Variants in GRM7 observed in about 807,000 individuals in gnomAD.
GRM7 encodes metabotropic glutamate receptor 7.
A neutral mutation model predicts 84.5 loss-of-function variants in GRM7; 35 were observed. The ratio of observed to expected loss-of-function variants is 0.41; its 90% confidence interval spans 0.32 to 0.55. The LOEUF (loss-of-function observed/expected upper bound fraction) is 0.55, where lower values mean the gene tolerates loss of function less well. Ranked by LOEUF, GRM7 falls within the 20% of genes least tolerant of loss-of-function variation. GRM7 has a pLI of 0.19. For missense variants in GRM7, 1,003 were observed against 1,194.6 expected (o/e 0.84, Z 2.36); for synonymous variants, 487 against 455.1 (o/e 1.07, Z -0.89).
chr3:7,317,149 T>G (rs1454407387), intron 4 of GRM7, among the ~76,000 whole-genome samples: 17 of 152,162 alleles, frequency 1.1e-4, no homozygotes, highest in Admixed American at 1.1e-3. Context: ...TTGGTGATTT[T>G]TTACATAGAC....
At chr3:6,884,519 A>G (rs1372639236) in intron 1 of GRM7, among the ~76,000 whole-genome samples, 1 of 152,120 alleles carries the variant, frequency 6.6e-6, no homozygotes. Context: ...GACCATTTAA[A>G]TATGCCTTTA....
chr3:7,150,071 G>A (rs1026896111), intron 2 of GRM7, among the ~76,000 whole-genome samples: 2 of 137,242 alleles, frequency 1.5e-5, no homozygotes, highest in African/African-American at 5.7e-5. Context: ...ATACATATAT[G>A]TGTGTGTGTG....
intron 2 of GRM7, among the ~76,000 whole-genome samples, chr3:7,180,919 T>C (rs2125096889): frequency 6.6e-6 from 1 of 152,322 alleles, no homozygotes; most frequent in South Asian, 2.1e-4. Context: ...TATCCTTAAT[T>C]CACACACCGA....
At chr3:7,131,615 A>G (rs1190648644) in intron 1 of GRM7, among the ~76,000 whole-genome samples, 2 of 151,772 alleles carry the variant, frequency 1.3e-5, no homozygotes, top group African/African-American at 4.8e-5. Context: ...AGTAGCGGGG[A>G]CTACAGGTGC....
intron 1 of GRM7, among the ~76,000 whole-genome samples, chr3:6,869,538 T>C (rs1283710445): frequency 6.9e-6 from 1 of 144,476 alleles, no homozygotes; most frequent in East Asian, 2.0e-4. Flanking sequence ...TTCTGCTGAA[T>C]TGAAAATTTA....
intron 8 of GRM7, among the ~76,000 whole-genome samples, chr3:7,613,150 TGTCTCACTTA>T (rs1414316474): frequency 6.6e-6 from 1 of 152,184 alleles, no homozygotes; most frequent in Non-Finnish European, 1.5e-5. Flanking sequence ...AAATTCTACT[TGTCTCACTTA>T]GTCTCAATGG....
intron 7 of GRM7, among the ~76,000 whole-genome samples, chr3:7,498,166 A>G (rs896784391): frequency 2.0e-5 from 3 of 152,230 alleles, no homozygotes; most frequent in African/African-American, 7.2e-5. Context: ...ATTTCCCACA[A>G]GTAAACCTTG....
At position 6,863,369 on chromosome 3, in the gene GRM7, A is replaced by C. The variant is rs1694831602; in HGVS notation, c.519+1462A>C. On this transcript the variant is annotated intron_variant, in intron 1 of 9. Coordinates refer to ENST00000357716, the MANE Select transcript of GRM7 (RefSeq NM_000844.4). The surrounding 1 kb of genome is among the most constrained non-coding windows in gnomAD (Gnocchi z 4.8). ...CGGCCCCTCTCAAGTGCTTTCCCAA[A>C]AGGTGTTGGGCTTCAGAAGGGGACT... 6.6e-6 allele frequency among the ~76,000 whole-genome samples: 1 copy of C among 151,912 alleles called. No individual in the cohort carries two copies. The highest frequency in any genetic ancestry group is 2.1e-4 in the South Asian group (1 of 4,824).
chr3:7,309,509 T>C (rs1207789388), intron 4 of GRM7, among the ~76,000 whole-genome samples: 2 of 152,218 alleles, frequency 1.3e-5, no homozygotes, highest in Admixed American at 6.5e-5. Flanking sequence ...TTGTGTTGTA[T>C]AATGCTATAC....
intron 1 of GRM7, among the ~76,000 whole-genome samples, chr3:7,074,462 T>C (rs73112873): frequency 0.13 from 19,219 of 152,214 alleles, 1,837 homozygotes; most frequent in African/African-American, 0.27. Context: ...GTGTGGTCCA[T>C]GAATTTCTTC....
At chr3:7,177,590 C>G (rs1695197366) in intron 2 of GRM7, among the ~76,000 whole-genome samples, 1 of 146,830 alleles carries the variant, frequency 6.8e-6, no homozygotes. Flanking sequence ...GACAGAGTGA[C>G]ATGGAGGAGA....
intron 1 of GRM7, among the ~76,000 whole-genome samples, chr3:7,083,776 C>T (rs1022506932): frequency 6.6e-6 from 1 of 152,040 alleles, no homozygotes; most frequent in African/African-American, 2.4e-5. Context: ...AAATTTTAGA[C>T]GTATTCTCTG....
chr3:7,019,432 C>T (rs548501986), intron 1 of GRM7, among the ~76,000 whole-genome samples: 5 of 152,310 alleles, frequency 3.3e-5, no homozygotes, highest in African/African-American at 9.6e-5. Context: ...AAAAATCCCC[C>T]ATGCTCTGCC....
chr3:7,034,734 C>T (rs145679116), intron 1 of GRM7, among the ~76,000 whole-genome samples: 22 of 152,234 alleles, frequency 1.4e-4, no homozygotes, highest in Non-Finnish European at 2.6e-4. Context: ...TGTATAGTTG[C>T]CAGAACCCAA....
At chr3:7,605,773 G>A (rs976957305) in intron 8 of GRM7, among the ~76,000 whole-genome samples, 4 of 152,178 alleles carry the variant, frequency 2.6e-5, no homozygotes, top group African/African-American at 9.7e-5. Flanking sequence ...TGATAACACT[G>A]TATGGGGCAT....
At chr3:7,319,955 A>T (rs1700715326) in intron 4 of GRM7, among the ~76,000 whole-genome samples, 1 of 152,072 alleles carries the variant, frequency 6.6e-6, no homozygotes, top group Non-Finnish European at 1.5e-5. Flanking sequence ...ATCAAGACAT[A>T]AAATATTTCT....
chr3:7,209,244 A>C (rs1220948395), intron 2 of GRM7, among the ~76,000 whole-genome samples: 2 of 152,316 alleles, frequency 1.3e-5, no homozygotes, highest in East Asian at 3.9e-4. Context: ...TAACACTTTC[A>C]CATCATCATA....
chr3:6,887,562 A>G (rs1186282089), intron 1 of GRM7, among the ~76,000 whole-genome samples: 1 of 152,160 alleles, frequency 6.6e-6, no homozygotes, highest in Non-Finnish European at 1.5e-5. Flanking sequence ...ACATGAACTC[A>G]TCATTTTTTA....
intron 8 of GRM7, among the ~76,000 whole-genome samples, chr3:7,653,359 G>C (rs1040792236): frequency 6.6e-6 from 1 of 151,882 alleles, no homozygotes; most frequent in African/African-American, 2.4e-5. Flanking sequence ...TTGAGATCCA[G>C]GTAAGAATAT....
Sources: gnomAD v4.1 joint callset for allele counts (sites outside exome capture counted in the v4.1 genomes callset) on GRCh38, gnomAD v4.1.1 for gene constraint, Gnocchi (gnomAD v3.1) non-coding constraint, MANE v1.5 for transcripts, NCBI Gene and HGNC (gene_info 2026-07-23, HGNC 2026-07-21) for gene names.